Variants in ICA1L observed in about 807,000 individuals in gnomAD.
ICA1L encodes islet cell autoantigen 1-like protein.
In ICA1L, 50 loss-of-function variants were observed where a neutral mutation model predicts 61.3. That is an observed-to-expected ratio of 0.82 (90% CI 0.65 to 1.03). The LOEUF (loss-of-function observed/expected upper bound fraction) is 1.03. Among genes scored for constraint, ICA1L ranks in the 50% least tolerant of loss-of-function variants. The probability of loss-of-function intolerance (pLI) is 0.00; values close to 1 mark genes in which losing one functional copy is unlikely to be tolerated. For missense variants in ICA1L, 508 were observed against 556.7 expected (o/e 0.91, Z 0.88); for synonymous variants, 161 against 191.3 (o/e 0.84, Z 1.31).
At chr2:202,868,175 AG>A (rs1300879550) in intron 1 of ICA1L, among the ~76,000 whole-genome samples, 1 of 152,204 alleles carries the variant, frequency 6.6e-6, no homozygotes, top group African/African-American at 2.4e-5. Context: ...AAGTAAAAAA[AG>A]AAAAAAAAAG....
Position 202,800,938 on chromosome 2 carries a change from A to G in ICA1L, c.911-3974T>C, listed in dbSNP as rs181698735. Among the ~76,000 whole-genome samples, 791 of 152,370 alleles carry G rather than the reference A, an allele frequency of 5.2e-3. 19 individuals carry two copies. Among genetic ancestry groups the G allele is most frequent in the South Asian group, 0.043 (208 of 4,824 alleles). ...AATTAGATTTTAAGTTCAGATACATAATATAAAAATGTTAGAAATGTACAG... is the reference window on the plus strand; with the variant it reads ...AATTAGATTTTAAGTTCAGATACATGATATAAAAATGTTAGAAATGTACAG... On this transcript the variant is annotated intron_variant, in intron 9 of 12. Transcript: ENST00000358299.
rs1693570920 is a variant in ICA1L, at chr2:202,817,512, G to C, written c.590C>G (p.Ser197Cys). 1 of 1,609,760 alleles carries C rather than the reference G, an allele frequency of 6.2e-7. No individual in the cohort carries two copies. Among genetic ancestry groups the C allele is most frequent in the South Asian group, 1.1e-5 (1 of 90,476 alleles). ...VQMQVRNSKA[S>C]FDKLKMDVCQ... ...AACATCCATCTTTAACTTGTCAAAA[G>C]AAGCTTTGCTATTTCTCACTTGCAT... The change falls in exon 6 of 13, where the codon TCT (serine) becomes TGT (cysteine). Residue 197 changes from serine to cysteine, a missense_variant. Coordinates refer to ENST00000358299, the MANE Select transcript of ICA1L (RefSeq NM_001288622.3).
intron 12 of ICA1L, among the ~76,000 whole-genome samples, chr2:202,784,863 T>C (rs1692530539): frequency 1.3e-5 from 2 of 152,116 alleles, no homozygotes; most frequent in Admixed American, 6.5e-5. Context: ...GATAAAAAAG[T>C]TCTGAAGATC....
chr2:202,829,978 CTT>C (rs1217081007), intron 1 of ICA1L, among the ~76,000 whole-genome samples: 1 of 152,180 alleles, frequency 6.6e-6, no homozygotes, highest in East Asian at 1.9e-4. Flanking sequence ...AACACATACT[CTT>C]TAAAAATCAC....
Position 202,868,803 on chromosome 2 carries a change from A to G in ICA1L, c.-8+2816T>C, listed in dbSNP as rs1687601613. 2.0e-5 allele frequency among the ~76,000 whole-genome samples: 3 copies of G among 151,862 alleles called. No homozygotes were observed. The South Asian group carries it at 6.2e-4, about 32-fold the overall frequency. ...ACAATATGGTAAAACCCCCATCTCT[A>G]CTAAAAATAAGAAAATTAGCTGGGC... On this transcript the variant is annotated intron_variant, in intron 1 of 12. Coordinates refer to ENST00000358299, the MANE Select transcript of ICA1L (RefSeq NM_001288622.3).
chr2:202,786,752 A>G (rs989351913), intron 11 of ICA1L: 3 of 424,494 alleles, frequency 7.1e-6, no homozygotes, highest in African/African-American at 6.3e-5. Flanking sequence ...TACATGCATG[A>G]TTTTTTTTTT....
At chr2:202,842,638 T>A (rs1185668766) in intron 1 of ICA1L, among the ~76,000 whole-genome samples, 8 of 152,252 alleles carry the variant, frequency 5.3e-5, no homozygotes, top group Admixed American at 3.9e-4. Context: ...CTTGTTCAGG[T>A]TGAATCTGAT....
intron 10 of ICA1L, among the ~76,000 whole-genome samples, chr2:202,791,537 C>G (rs1692750281): frequency 6.6e-6 from 1 of 152,152 alleles, no homozygotes. Flanking sequence ...AAATGCAAAT[C>G]AAAGCTACAA....
At position 202,851,280 on chromosome 2, in the gene ICA1L, C is replaced by T. The variant is rs1456578088; in HGVS notation, c.-8+20339G>A. The stretch of plus-strand genomic sequence containing the variant: ...TGCAGTGTTTGTTTTTTTGTCCTTG[C>T]GATAGTTTGCTGAGAATGATGGTTT... On this transcript the variant is annotated intron_variant, in intron 1 of 12. Coordinates refer to ENST00000358299, the MANE Select transcript of ICA1L (RefSeq NM_001288622.3). Among the ~76,000 whole-genome samples the T allele has an allele frequency of 8.6e-5, 13 of 151,532 alleles. No individual in the cohort carries two copies. The South Asian group carries it at 1.5e-3, about 17-fold the overall frequency.
intron 1 of ICA1L, chr2:202,829,244 C>T (rs531929084): frequency 1.7e-5 from 4 of 238,442 alleles, no homozygotes; most frequent in Non-Finnish European, 3.2e-5. Flanking sequence ...CCAGCTACTC[C>T]GGAGGCTGAG....
intron 11 of ICA1L, among the ~76,000 whole-genome samples, chr2:202,786,378 C>T (rs1692581543): frequency 1.3e-5 from 2 of 151,052 alleles, no homozygotes; most frequent in Admixed American, 6.6e-5. Context: ...AACCCCGTCT[C>T]TACTAAAAAA....
At chr2:202,860,387 T>C (rs927552864) in intron 1 of ICA1L, 13 of 151,978 alleles carry the variant, frequency 8.6e-5, no homozygotes, top group South Asian at 2.1e-4. Context: ...AAATGGACTA[T>C]GTAACACCAT....
chr2:202,791,191 T>TTTGA (rs536710874), intron 10 of ICA1L, among the ~76,000 whole-genome samples: 82 of 152,328 alleles, frequency 5.4e-4, no homozygotes, highest in African/African-American at 1.9e-3. Context: ...TGAGTCCAGA[T>TTTGA]TTGATTGGTT....
In ICA1L at chr2:202,774,382, C is replaced by G. The variant is rs1692153047; in HGVS notation, c.*5151G>C. 8.0e-7 allele frequency: 1 copy of G among 1,251,792 alleles called. No homozygotes were observed. The allele number at this position is 1,251,792 out of a possible 1,614,324, so 77.5% of individuals were successfully genotyped here. On this transcript the variant is annotated 3_prime_UTR_variant, in exon 13 of 13. Coordinates refer to ENST00000358299, the MANE Select transcript of ICA1L (RefSeq NM_001288622.3). Reference sequence around the variant, plus strand: ...TCAGCGTGGTCTGGCAGCCGGAGACCAGGCCTCACTGCGCCTCCAACAGCC... The same window carrying G: ...TCAGCGTGGTCTGGCAGCCGGAGACGAGGCCTCACTGCGCCTCCAACAGCC...
Position 202,776,049 on chromosome 2 carries a change from A to ATG in ICA1L, c.*3482_*3483dup, listed in dbSNP as rs1692209282. 1 of 152,212 alleles carries ATG rather than the reference A, an allele frequency of 6.6e-6. No individual in the cohort carries two copies. The allele number at this position is 152,212 out of a possible 1,614,324, so 9.4% of individuals were successfully genotyped here. A position where few individuals can be genotyped will look rare whatever the true frequency, so the allele number is the denominator to read the frequency against. On this transcript the variant is annotated 3_prime_UTR_variant, in exon 13 of 13. Coordinates refer to ENST00000358299, the MANE Select transcript of ICA1L (RefSeq NM_001288622.3). Reference sequence around the variant, plus strand: ...GCACATGTAAACTTCCTTCGTTCTAATGCTGTAAGACCTCTACATTTCTAG... The same window carrying ATG: ...GCACATGTAAACTTCCTTCGTTCTAATGTGCTGTAAGACCTCTACATTTCTAG...
rs1479109549 is a variant in ICA1L at position 202,821,454 on chromosome 2, C to G, written c.263G>C (p.Gly88Ala). The G allele has an allele frequency of 6.2e-7, 1 of 1,610,288 alleles. No homozygotes were observed. Among genetic ancestry groups the G allele is most frequent in the South Asian group, 1.1e-5 (1 of 90,458 alleles). The change falls in exon 4 of 13, where the codon GGG becomes GCG. Residue 88 changes from glycine (G) to alanine (A), a missense_variant. Gly to Ala is a moderately conservative substitution (Grantham distance 60, BLOSUM62 0). Transcript: ENST00000358299. The stretch of plus-strand genomic sequence containing the variant: ...TTCTGCTTGAAATTTTAAAAAGAGC[C>G]CTAGCTCATTTTCTTCCTCTGATAT... The part of the protein sequence containing the change: ...NVISEEENEL[G>A]LFLKFQAERD...
chr2:202,830,406 C>A (rs918717195), intron 1 of ICA1L, among the ~76,000 whole-genome samples: 1 of 150,932 alleles, frequency 6.6e-6, no homozygotes, highest in Admixed American at 6.6e-5. Context: ...GACTCCGTCT[C>A]AAAAAAAATA....
intron 1 of ICA1L, among the ~76,000 whole-genome samples, chr2:202,863,269 G>A (rs1395024556): frequency 3.3e-5 from 5 of 152,030 alleles, no homozygotes; most frequent in Non-Finnish European, 5.9e-5. Flanking sequence ...TCCAGCCTAG[G>A]TGACAAAGTG....
chr2:202,835,676 A>T (rs1694129928), intron 1 of ICA1L, among the ~76,000 whole-genome samples: 1 of 150,298 alleles, frequency 6.7e-6, no homozygotes, highest in South Asian at 2.1e-4. Context: ...GCTCCCAAGC[A>T]TCTAGGACTA....
Sources: gnomAD v4.1 joint callset for allele counts (sites outside exome capture counted in the v4.1 genomes callset) on GRCh38, gnomAD v4.1.1 for gene constraint, MANE v1.5 for transcripts, NCBI Gene and HGNC (gene_info 2026-07-23, HGNC 2026-07-21) for gene names.